Variants in SLC8A1 observed in about 807,000 individuals in gnomAD.
SLC8A1 encodes the protein sodium/calcium exchanger 1.
Under a neutral mutation model 68.3 loss-of-function variants are expected in SLC8A1, and 18 were observed. That is an observed-to-expected ratio of 0.26 (90% CI 0.18 to 0.39). The LOEUF (loss-of-function observed/expected upper bound fraction) is 0.39. Among genes scored for constraint, SLC8A1 ranks in the 10% least tolerant of loss-of-function variants. SLC8A1 has a pLI of 1.00. For missense variants in SLC8A1, 985 were observed against 1,156.7 expected (o/e 0.85, Z 2.15); for synonymous variants, 475 against 415.5 (o/e 1.14, Z -1.74).
chr2:40,368,542 A>T (rs560399679), intron 2 of SLC8A1, among the ~76,000 whole-genome samples: 1 of 152,078 alleles, frequency 6.6e-6, no homozygotes, highest in Non-Finnish European at 1.5e-5. Context: ...ATTTAAAAAA[A>T]CAGAATTATC....
chr2:40,409,037 A>AT (rs1347347376), intron 2 of SLC8A1, among the ~76,000 whole-genome samples: 1 of 152,134 alleles, frequency 6.6e-6, no homozygotes, highest in East Asian at 1.9e-4. Context: ...ATATGTAAAT[A>AT]TTGTTTTTGA....
intron 2 of SLC8A1, among the ~76,000 whole-genome samples, chr2:40,292,919 T>A (rs116591917): frequency 6.6e-6 from 1 of 152,166 alleles, no homozygotes; most frequent in East Asian, 1.9e-4. Flanking sequence ...CATTTGGAAA[T>A]TGATCTCAAC....
At chr2:40,116,825 A>T (rs2035531510) in intron 7 of SLC8A1, 1 of 152,216 alleles carries the variant, frequency 6.6e-6, no homozygotes, top group African/African-American at 2.4e-5. Flanking sequence ...GATGATAGGA[A>T]AATCTTGGTC....
At chr2:40,411,032 T>C (rs868715430) in intron 2 of SLC8A1, among the ~76,000 whole-genome samples, 1 of 152,056 alleles carries the variant, frequency 6.6e-6, no homozygotes, top group African/African-American at 2.4e-5. Context: ...TAAGTTTTTT[T>C]AGATTGGATT....
intron 2 of SLC8A1, among the ~76,000 whole-genome samples, chr2:40,239,614 T>C (rs532972690): frequency 4.6e-5 from 7 of 152,106 alleles, no homozygotes; most frequent in Admixed American, 2.6e-4. Context: ...AATACAGCCC[T>C]CTCTGCTGCC....
At chr2:40,217,801 C>A (rs1235533064) in intron 2 of SLC8A1, among the ~76,000 whole-genome samples, 3 of 152,190 alleles carry the variant, frequency 2.0e-5, no homozygotes, top group African/African-American at 7.2e-5. Context: ...CAAGCAGTTA[C>A]ATAACTTAAT....
chr2:40,164,545 G>T (rs1377539395), intron 5 of SLC8A1, among the ~76,000 whole-genome samples: 1 of 152,108 alleles, frequency 6.6e-6, no homozygotes, highest in Non-Finnish European at 1.5e-5. Flanking sequence ...CAATCTCTTA[G>T]GATTCACCTT....
intron 2 of SLC8A1, among the ~76,000 whole-genome samples, chr2:40,272,395 C>G (rs1428446147): frequency 6.6e-6 from 1 of 152,210 alleles, no homozygotes; most frequent in African/African-American, 2.4e-5. Context: ...TCCCACTACT[C>G]TCTCCCTCCT....
chr2:40,259,689 T>G (rs2064427221), intron 2 of SLC8A1, among the ~76,000 whole-genome samples: 1 of 152,188 alleles, frequency 6.6e-6, no homozygotes, highest in African/African-American at 2.4e-5. Context: ...GCCTCTTTTC[T>G]TAGGGTTTGG....
chr2:40,268,392 A>G (rs1160018637), intron 2 of SLC8A1, among the ~76,000 whole-genome samples: 2 of 152,214 alleles, frequency 1.3e-5, no homozygotes. Flanking sequence ...TGAACTAGGT[A>G]GAGTTGCCTC....
intron 1 of SLC8A1, among the ~76,000 whole-genome samples, chr2:40,470,884 A>G (rs1351830873): frequency 6.6e-6 from 1 of 152,178 alleles, no homozygotes; most frequent in Non-Finnish European, 1.5e-5. Flanking sequence ...TCAATTTTCA[A>G]TGTGGAAATA....
chr2:40,401,420 T>G (rs1478429723), intron 2 of SLC8A1, among the ~76,000 whole-genome samples: 2 of 146,724 alleles, frequency 1.4e-5, no homozygotes, highest in African/African-American at 2.8e-5. Context: ...GTTTTTCTTC[T>G]ATGCTATTTT....
intron 2 of SLC8A1, among the ~76,000 whole-genome samples, chr2:40,267,881 A>G (rs897166956): frequency 2.0e-5 from 3 of 152,100 alleles, no homozygotes; most frequent in Admixed American, 6.6e-5. Context: ...CCCCTCCCAC[A>G]TATTTCCTTG....
chr2:40,329,560 G>T (rs933306547), intron 2 of SLC8A1, among the ~76,000 whole-genome samples: 1 of 152,170 alleles, frequency 6.6e-6, no homozygotes, highest in South Asian at 2.1e-4. Context: ...GATGGAAAGA[G>T]AAAAGGATTT....
At chr2:40,508,046 G>C (rs961620633) in intron 1 of SLC8A1, among the ~76,000 whole-genome samples, 1 of 152,048 alleles carries the variant, frequency 6.6e-6, no homozygotes, top group African/African-American at 2.4e-5. Context: ...TTCAACAATA[G>C]CTTGCAATTG....
intron 2 of SLC8A1, among the ~76,000 whole-genome samples, chr2:40,357,133 G>A (rs998168229): frequency 2.9e-4 from 44 of 152,146 alleles, no homozygotes; most frequent in Non-Finnish European, 1.5e-5. Context: ...CAAATAACCT[G>A]CAGAGTGTAT....
intron 2 of SLC8A1, among the ~76,000 whole-genome samples, chr2:40,194,770 G>A (rs2052633697): frequency 6.6e-6 from 1 of 150,974 alleles, no homozygotes; most frequent in African/African-American, 2.4e-5. Flanking sequence ...TAGGGCCAGG[G>A]CCTAGGACCA....
chr2:40,164,782 T>A, intron 5 of SLC8A1, 72 bp downstream of exon 8: 1 of 1,574,852 alleles, frequency 6.3e-7, no homozygotes, highest in Non-Finnish European at 8.6e-7. Context: ...ATCTTAAGCT[T>A]TGGCCAACCC....
chr2:40,211,282 C>G (rs1159386712), intron 2 of SLC8A1, among the ~76,000 whole-genome samples: 1 of 152,168 alleles, frequency 6.6e-6, no homozygotes, highest in Admixed American at 6.5e-5. Context: ...ATAAAGTTTT[C>G]TAATGATAGT....
Sources: allele counts gnomAD v4.1 joint callset (sites outside exome capture counted in the v4.1 genomes callset), GRCh38; gene constraint gnomAD v4.1.1; transcripts MANE v1.5; gene names NCBI Gene and HGNC (gene_info 2026-07-23, HGNC 2026-07-21).